GSE1: variants seen among roughly 807,000 people sequenced by gnomAD.
The protein encoded by GSE1 is Gse1 coiled-coil protein.
A neutral mutation model predicts 112.6 loss-of-function variants in GSE1; 32 were observed. The ratio of observed to expected loss-of-function variants is 0.28; its 90% CI spans 0.21 to 0.38. GSE1 has a LOEUF of 0.38. Among genes scored for constraint, GSE1 ranks in the 10% least tolerant of loss-of-function variants. The pLI is 1.00. For missense variants in GSE1, 2,348 were observed against 1,699.2 expected (o/e 1.38, Z -6.71); for synonymous variants, 1,115 against 735.6 (o/e 1.52, Z -8.35).
At position 85,487,301 on chromosome 16, in the gene GSE1, G is replaced by A. The variant is rs536179089; in HGVS notation, c.2464+129658G>A. 1.6e-4 allele frequency among the ~76,000 whole-genome samples: 25 copies of A among 152,280 alleles called. No individual in the cohort carries two copies. The East Asian group carries it at 4.6e-3, about 28-fold the overall frequency. On this transcript the variant is annotated intron_variant, in intron 2 of 2. Coordinates refer to the GSE1 transcript ENST00000637419. ...ACAGCCTTGCGTCTCCTCCCGTCAC[G>A]TGGCGAGCTACGTCCCGTGGATACA... is the stretch of plus-strand genomic sequence containing the variant.
Position 85,375,422 on chromosome 16 carries a change from T to A in GSE1, c.2464+17779T>A, listed in dbSNP as rs144181091. Reference sequence around the variant, plus strand: ...ATCTTCACCAGGCCCAGGGCGCCCATTAAGGTGGGACCCAGTCCAGCCCCC... The same window carrying A: ...ATCTTCACCAGGCCCAGGGCGCCCAATAAGGTGGGACCCAGTCCAGCCCCC... On this transcript the variant is annotated intron_variant, in intron 2 of 2. Coordinates refer to the GSE1 transcript ENST00000637419. 4.5e-4 allele frequency among the ~76,000 whole-genome samples: 69 copies of A among 152,142 alleles called. 2 individuals are homozygous for A. The East Asian group carries it at 0.013, about 28-fold the overall frequency.
At chr16:85,517,664 C>A (rs2051998219) in intron 2 of GSE1, among the ~76,000 whole-genome samples, 1 of 152,222 alleles carries the variant, frequency 6.6e-6, no homozygotes, top group African/African-American at 2.4e-5. Context: ...GCCTTTTCTC[C>A]TTTTCTTTTC....
intron 1 of GSE1, among the ~76,000 whole-genome samples, chr16:85,317,532 ACTGAGC>A (rs1336365119): frequency 2.0e-5 from 3 of 152,098 alleles, no homozygotes; most frequent in African/African-American, 7.2e-5. Flanking sequence ...CCGTGGCAGG[ACTGAGC>A]CCTGCTGCCC....
chr16:85,649,329 C>G (rs950953546), intron 3 of GSE1, among the ~76,000 whole-genome samples: 1 of 152,200 alleles, frequency 6.6e-6, no homozygotes, highest in East Asian at 1.9e-4. Context: ...GGTGTTTGCA[C>G]GCTGAGCACC....
Position 85,648,763 on chromosome 16 carries a change from G to A in GSE1, c.426+12G>A, listed in dbSNP as rs770263163. 26 of 1,533,946 alleles carry A rather than the reference G, an allele frequency of 1.7e-5. No homozygotes were observed. The Middle Eastern group carries it at 5.5e-4, about 33-fold the overall frequency. On this transcript the variant is annotated intron_variant, in intron 3 of 15. Coordinates refer to ENST00000253458, the MANE Select transcript of GSE1 (RefSeq NM_014615.5). ...GTGAGAGCCGGCAGGTGAGTGGGGC[G>A]GGGCAGGGAGCCTAGCGTCCTCTAA...
chr16:85,631,920 G>C (rs944781591), intron 1 of GSE1, among the ~76,000 whole-genome samples: 40 of 152,264 alleles, frequency 2.6e-4, no homozygotes, highest in African/African-American at 9.2e-4. Flanking sequence ...ATGGCAGCCC[G>C]GTGCGGGGGA....
chr16:85,215,416 G>A (rs867862007), intron 1 of GSE1, among the ~76,000 whole-genome samples: 1 of 152,028 alleles, frequency 6.6e-6, no homozygotes, highest in Non-Finnish European at 1.5e-5. Flanking sequence ...GAAGGGTTGT[G>A]GGGGGGCCAG....
At chr16:85,319,742 T>C (rs1299418085) in intron 1 of GSE1, among the ~76,000 whole-genome samples, 2 of 152,230 alleles carry the variant, frequency 1.3e-5, no homozygotes, top group Non-Finnish European at 2.9e-5. Flanking sequence ...AGATTCTGCC[T>C]CGTACTGTGT....
chr16:85,239,858 TC>T (rs1905032688), intron 1 of GSE1, among the ~76,000 whole-genome samples: 1 of 152,224 alleles, frequency 6.6e-6, no homozygotes, highest in Non-Finnish European at 1.5e-5. Context: ...AAATCTCAGA[TC>T]CCAAACCAAC....
chr16:85,633,835 A>G lies in GSE1; in HGVS notation c.8-79A>G, dbSNP rs1470871375. ...CTGCTCCCTGCCTGCTGCTGCTGAC[A>G]CCGGCCCTGCCGACCCTGCTCTGGT... On this transcript the variant is annotated intron_variant, in intron 1 of 15. Transcript: ENST00000253458. The G allele has an allele frequency of 1.1e-5, 12 of 1,119,498 alleles. No individual in the cohort carries two copies. The Admixed American group carries it at 2.2e-4, about 20-fold the overall frequency. 69.3% of individuals were successfully genotyped at this position (1,119,498 alleles called of 1,614,324 possible).
intron 2 of GSE1, among the ~76,000 whole-genome samples, chr16:85,463,444 G>A (rs1035415638): frequency 6.6e-6 from 1 of 152,088 alleles, no homozygotes; most frequent in Non-Finnish European, 1.5e-5. Context: ...GGCGGGCACC[G>A]GGCTTGCTGC....
chr16:85,459,473 C>T (rs893247655), intron 2 of GSE1, among the ~76,000 whole-genome samples: 4 of 152,208 alleles, frequency 2.6e-5, no homozygotes, highest in African/African-American at 4.8e-5. Context: ...AGCCCTTTTC[C>T]CTGGGCTCTT....
At chr16:85,377,898 G>A (rs1448113579) in intron 2 of GSE1, among the ~76,000 whole-genome samples, 1 of 152,258 alleles carries the variant, frequency 6.6e-6, no homozygotes, top group East Asian at 1.9e-4. Context: ...TCCTGGTACA[G>A]GGGAAACCGC....
intron 2 of GSE1, among the ~76,000 whole-genome samples, chr16:85,641,205 C>G (rs936223466): frequency 6.6e-6 from 1 of 152,270 alleles, no homozygotes; most frequent in African/African-American, 2.4e-5. Flanking sequence ...TCCCACCTCC[C>G]TCAGGGTACC....
chr16:85,304,553 G>A (rs1357691860), intron 1 of GSE1, among the ~76,000 whole-genome samples: 1 of 146,794 alleles, frequency 6.8e-6, no homozygotes, highest in Non-Finnish European at 1.5e-5. Context: ...AAGGGAAGTG[G>A]GGAGCTTTTG....
chr16:85,297,089 TG>T (rs969271221), intron 1 of GSE1, among the ~76,000 whole-genome samples: 10 of 151,884 alleles, frequency 6.6e-5, no homozygotes, highest in South Asian at 6.2e-4. Context: ...GTGGGGAGGT[TG>T]GGGGGTGCAG....
At chr16:85,357,514 G>C in exon 2 of GSE1, 8 of 1,262,956 alleles carry the variant, frequency 6.3e-6, no homozygotes, top group Non-Finnish European at 8.2e-6. Flanking sequence ...TCCCACCCGG[G>C]AGTCCGAGAC....
chr16:85,605,403 T>G (rs1451425988), intron 1 of GSE1, among the ~76,000 whole-genome samples: 1 of 152,048 alleles, frequency 6.6e-6, no homozygotes, highest in Non-Finnish European at 1.5e-5. Flanking sequence ...GAGAAGTGCT[T>G]CCTCGTAAAA....
At chr16:85,359,553 T>A (rs1204451443) in intron 2 of GSE1, 1 of 374,278 alleles carries the variant, frequency 2.7e-6, no homozygotes, top group Non-Finnish European at 5.4e-6. Context: ...AGAGGTTTCG[T>A]GGCAACCTCG....
Sources: allele counts gnomAD v4.1 joint callset (sites outside exome capture counted in the v4.1 genomes callset), GRCh38; gene constraint gnomAD v4.1.1; transcripts MANE v1.5; gene names NCBI Gene and HGNC (gene_info 2026-07-23, HGNC 2026-07-21).